Variants in CT47B1 observed in about 807,000 individuals in gnomAD.
The protein encoded by CT47B1 is cancer/testis CT47 family, member 13.
CT47B1 carries 24 observed loss-of-function variants against 12.8 expected under a neutral mutation model. That is an observed-to-expected ratio of 1.87 (90% CI 1.36 to 2.63). The LOEUF (loss-of-function observed/expected upper bound fraction) is 2.63. Ranked by LOEUF, CT47B1 falls within the 30% of genes most tolerant of loss-of-function variation. The pLI, the probability that CT47B1 is intolerant of heterozygous loss-of-function variation, is 0.00. For synonymous variants in CT47B1, 228 were observed against 133.3 expected, an observed-to-expected ratio of 1.71 and a Z score of -4.89; for missense variants, 523 against 271.3, an observed-to-expected ratio of 1.93 and a Z score of -6.52.
intron 1 of CT47B1, among the ~76,000 whole-genome samples, chrX:120,874,420 C>G (rs924351923): frequency 3.6e-5 from 4 of 111,188 alleles, no homozygotes; most frequent in African/African-American, 9.8e-5. Context: ...GTTCCTCACC[C>G]CCTGAATGTT....
rs184016403 is a variant in CT47B1 at position 120,875,368 on chromosome X, G to A, written c.303C>T (p.Asn101=). ...TEEEEEEEEG[N]EAANFDLAVA... is the part of the protein sequence containing the mutation. ...CCGCCAAGTCGAAGTTGGCCGCCTCGTTCCCCTCTTCCTCCTCCTCCTCTT... is the reference window on the plus strand; with the variant it reads ...CCGCCAAGTCGAAGTTGGCCGCCTCATTCCCCTCTTCCTCCTCCTCCTCTT... Residue 101 remains asparagine, a synonymous_variant, in exon 1 of 3, where the codon AAC becomes AAT. Transcript: ENST00000371311. 5.0e-4 allele frequency: 605 copies of A among 1,208,112 alleles called. 3 individuals are homozygous for A. In the African/African-American group the frequency reaches 8.9e-3, roughly 18 times the overall value.
At chrX:120,873,335 C>CAA (rs1923823509) in intron 2 of CT47B1, among the ~76,000 whole-genome samples, 1 of 99,000 alleles carries the variant, frequency 1.0e-5, no homozygotes, top group Admixed American at 1.1e-4. Context: ...CATAAAATAC[C>CAA]AAAATATATA....
Position 120,875,109 on chromosome X carries a change from C to T in CT47B1, c.562G>A (p.Gly188Ser), listed in dbSNP as rs752483454. The T allele has an allele frequency of 6.6e-6, 8 of 1,208,637 alleles. No individual in the cohort carries two copies. Among genetic ancestry groups the T allele is most frequent in the Non-Finnish European group, 8.9e-6 (8 of 894,460 alleles). The change falls in exon 1 of 3, where the codon GGC becomes AGC. Residue 188 changes from glycine (G) to serine (S), a missense_variant. Coordinates refer to ENST00000371311, the MANE Select transcript of CT47B1 (RefSeq NM_001145718.3). ...ACCGACGCAGCCTCCTGGATCAGGC[C>T]GAGGCCCTCGCCTTCTGGGGCTGCA... is the stretch of plus-strand genomic sequence containing the variant. ...GAAAPEGEGL[G>S]LIQEAASVQE...
rs1328692141 is a variant in CT47B1, at chrX:120,875,546, C to T, written c.125G>A (p.Ser42Asn). The T allele has an allele frequency of 8.4e-7, 1 of 1,195,422 alleles. No individual in the cohort carries two copies. Among genetic ancestry groups the T allele is most frequent in the East Asian group, 3.0e-5 (1 of 33,603 alleles). ...CTCGGCCGCAGGCACCATGTCGCTG[C>T]TGTCGGGGCCGGAGTCGCCGCCCTC... Reference protein sequence around the residue: ...NQEGGDSGPDSSDMVPAAEVV... With the variant: ...NQEGGDSGPDNSDMVPAAEVV... The change falls in exon 1 of 3, where the codon AGC (serine) becomes AAC (asparagine). Residue 42 changes from serine to asparagine, a missense_variant. Coordinates refer to ENST00000371311, the MANE Select transcript of CT47B1 (RefSeq NM_001145718.3).
At chrX:120,874,672 G>A (rs1037683787) in intron 1 of CT47B1, among the ~76,000 whole-genome samples, 2 of 110,864 alleles carry the variant, frequency 1.8e-5, no homozygotes, top group African/African-American at 6.6e-5. Context: ...GTAGAGGGCG[G>A]CAAGTTTTCT....
Position 120,874,952 on chromosome X carries a change from GCCT to G in CT47B1, c.716_718del (p.Glu239del). The stretch of plus-strand genomic sequence containing the variant: ...TTCCTCTGCGGCCGGTTCCTCTGTG[GCCT>G]CCTCTGTGAGCTTCTCCTCTGCGGC... On this transcript the variant is annotated inframe_deletion, in exon 1 of 3. Coordinates refer to ENST00000371311, the MANE Select transcript of CT47B1 (RefSeq NM_001145718.3). The G allele has an allele frequency of 1.7e-6, 2 of 1,199,702 alleles. No individual in the cohort carries two copies. The highest frequency in any genetic ancestry group is 2.3e-6 in the Non-Finnish European group (2 of 886,199).
intron 1 of CT47B1, among the ~76,000 whole-genome samples, chrX:120,874,293 G>A (rs1207364206): frequency 1.8e-5 from 2 of 108,296 alleles, no homozygotes; most frequent in African/African-American, 6.7e-5. Flanking sequence ...CTAGTTCTTT[G>A]GAGAAGAAGA....
Position 120,875,436 on chromosome X carries a change from C to A in CT47B1, c.235G>T (p.Gly79Trp), listed in dbSNP as rs957383095. ...ATATCTGAGTCCTCCTCGGCGCTCC[C>A]GCCCTGGGGGACTGCGGCCAGGCCT... ...AAGLAAVPQG[G>W]SAEEDSDIGP... The change falls in exon 1 of 3, where the codon GGG (glycine) becomes TGG (tryptophan). Residue 79 changes from glycine (G) to tryptophan (W), a missense_variant. Coordinates refer to ENST00000371311, the MANE Select transcript of CT47B1 (RefSeq NM_001145718.3). The A allele has an allele frequency of 1.2e-5, 15 of 1,206,193 alleles. No homozygotes were observed. Among genetic ancestry groups the A allele is most frequent in the Non-Finnish European group, 1.5e-5 (13 of 894,054 alleles).
rs1923974824 is a variant in CT47B1, at chrX:120,875,575, G to T, written c.96C>A (p.Asn32Lys). Reference protein sequence around the residue: ...GAQAEAAGAGNQEGGDSGPDS... With the variant: ...GAQAEAAGAGKQEGGDSGPDS... ...CGGGGCCGGAGTCGCCGCCCTCCTG[G>T]TTACCAGCTCCGGCCGCCTCGGCCT... The change falls in exon 1 of 3, where the codon AAC (asparagine) becomes AAA (lysine). Residue 32 changes from asparagine (N) to lysine (K), a missense_variant. By Grantham distance (94) the Asn-to-Lys change is moderately conservative. Transcript: ENST00000371311. 8.4e-7 allele frequency: 1 copy of T among 1,191,138 alleles called. No individual in the cohort carries two copies. Among genetic ancestry groups the T allele is most frequent in the Admixed American group, 2.2e-5 (1 of 45,336 alleles).
chrX:120,875,068 C>T lies in CT47B1; in HGVS notation c.603G>A (p.Ser201=), dbSNP rs1240103829. 1.9e-5 allele frequency: 23 copies of T among 1,207,927 alleles called. No individual in the cohort carries two copies. In the African/African-American group the frequency reaches 2.6e-4, roughly 14 times the overall value. Residue 201 remains serine, a synonymous_variant, in exon 1 of 3, where the codon TCG becomes TCA. Coordinates refer to ENST00000371311, the MANE Select transcript of CT47B1 (RefSeq NM_001145718.3). ...CAGCTGGCACTGCAGGCTCTGGGAC[C>T]GACGCGGCCTCCTGGACCGACGCAG... ...QEAASVQEAA[S]VPEPAVPADL...
rs756697039 is a variant in CT47B1 at position 120,875,579 on chromosome X, C to T, written c.92G>A (p.Gly31Asp). Residue 31 changes from glycine to aspartate, a missense_variant, in exon 1 of 3, where the codon GGT becomes GAT. Transcript: ENST00000371311. ...EGAQAEAAGA[G>D]NQEGGDSGPD... ...GCCGGAGTCGCCGCCCTCCTGGTTA[C>T]CAGCTCCGGCCGCCTCGGCCTGTGC... 1.8e-5 allele frequency: 21 copies of T among 1,183,402 alleles called. No individual in the cohort carries two copies. The African/African-American group carries it at 2.7e-4, about 15-fold the overall frequency.
rs767584700 is a variant in CT47B1, at chrX:120,875,331, G to T, written c.340C>A (p.Arg114=). 1 of 1,210,821 alleles carries T rather than the reference G, an allele frequency of 8.3e-7. No homozygotes were observed. The highest frequency in any genetic ancestry group is 1.1e-6 in the Non-Finnish European group (1 of 894,724). The change falls in exon 1 of 3, where the codon CGG becomes AGG. Residue 114 remains arginine, a synonymous_variant. Coordinates refer to ENST00000371311, the MANE Select transcript of CT47B1 (RefSeq NM_001145718.3). ...AAGCCAATGCCCGCCGCCGGGTACCGACGGGTGGCCACCGCCAAGTCGAAG... is the reference window on the plus strand; with the variant it reads ...AAGCCAATGCCCGCCGCCGGGTACCTACGGGTGGCCACCGCCAAGTCGAAG... ...ANFDLAVATR[R]YPAAGIGFVF... is the part of the protein sequence containing the mutation.
intron 1 of CT47B1, 38 bp from the exon 2 acceptor site, chrX:120,874,058 T>C (rs772941256): frequency 2.0e-5 from 19 of 940,338 alleles, no homozygotes; most frequent in Non-Finnish European, 2.6e-5. Context: ...GGACCAGACA[T>C]TCACAGAAAA....
chrX:120,875,009 T>G lies in CT47B1; in HGVS notation c.662A>C (p.Glu221Ala). The G allele has an allele frequency of 1.7e-6, 2 of 1,210,001 alleles. No homozygotes were observed. Among genetic ancestry groups the G allele is most frequent in the Non-Finnish European group, 2.2e-6 (2 of 894,818 alleles). The change falls in exon 1 of 3, where the codon GAG becomes GCG. Residue 221 changes from glutamate (E) to alanine (A), a missense_variant. Physicochemically the swap from Glu to Ala is moderately radical, Grantham distance 107 (BLOSUM62 -1). Coordinates refer to ENST00000371311, the MANE Select transcript of CT47B1 (RefSeq NM_001145718.3). Reference sequence around the variant, plus strand: ...CTCTGGGGGTTTCTCATCTGCGGCCTCCTCCGCGGGCTCCCTGGCCATCTC... The same window carrying G: ...CTCTGGGGGTTTCTCATCTGCGGCCGCCTCCGCGGGCTCCCTGGCCATCTC... ...LAEMAREPAE[E>A]AADEKPPEEA...
rs766362766 is a variant in CT47B1, at chrX:120,875,103, T to G, written c.568A>C (p.Ile190Leu). The change falls in exon 1 of 3, where the codon ATC (isoleucine) becomes CTC (leucine). Residue 190 changes from isoleucine to leucine, a missense_variant. By Grantham distance (5) the Ile-to-Leu change is conservative. Transcript: ENST00000371311. ...TCCTGGACCGACGCAGCCTCCTGGATCAGGCCGAGGCCCTCGCCTTCTGGG... is the reference window on the plus strand; with the variant it reads ...TCCTGGACCGACGCAGCCTCCTGGAGCAGGCCGAGGCCCTCGCCTTCTGGG... ...AAPEGEGLGL[I>L]QEAASVQEAA... is the part of the protein sequence containing the mutation. 13 of 1,208,130 alleles carry G rather than the reference T, an allele frequency of 1.1e-5. No homozygotes were observed. Among genetic ancestry groups the G allele is most frequent in the Non-Finnish European group, 1.5e-5 (13 of 894,308 alleles).
rs748670528 is a variant in CT47B1, at chrX:120,875,402, G to A, written c.269C>T (p.Ala90Val). 3 of 1,208,128 alleles carry A rather than the reference G, an allele frequency of 2.5e-6. No individual in the cohort carries two copies. The highest frequency in any genetic ancestry group is 3.5e-5 in the African/African-American group (2 of 57,822). ...SAEEDSDIGP[A>V]TEEEEEEEEG... ...TTCCTCCTCCTCCTCTTCCTCCGTC[G>A]CGGGCCCGATATCTGAGTCCTCCTC... The change falls in exon 1 of 3, where the codon GCG (alanine) becomes GTG (valine). Residue 90 changes from alanine (A) to valine (V), a missense_variant. Coordinates refer to ENST00000371311, the MANE Select transcript of CT47B1 (RefSeq NM_001145718.3).
chrX:120,875,266 G>A lies in CT47B1; in HGVS notation c.405C>T (p.Leu135=), dbSNP rs372046159. The A allele has an allele frequency of 1.7e-6, 2 of 1,211,389 alleles. No individual in the cohort carries two copies. Among genetic ancestry groups the A allele is most frequent in the Admixed American group, 4.3e-5 (2 of 46,139 alleles). ...LYLVHSLLRR[L]YHNDHIQIAN... Reference sequence around the variant, plus strand: ...CTATCTGGATGTGGTCGTTGTGATAGAGGCGGCGGAGAAGGGAGTGGACCA... The same window carrying A: ...CTATCTGGATGTGGTCGTTGTGATAAAGGCGGCGGAGAAGGGAGTGGACCA... Residue 135 remains leucine, a synonymous_variant, in exon 1 of 3, where the codon CTC becomes CTT. Coordinates refer to ENST00000371311, the MANE Select transcript of CT47B1 (RefSeq NM_001145718.3).
In CT47B1 at chrX:120,874,910, G is replaced by A. The variant is rs542629895; in HGVS notation, c.761C>T (p.Ala254Val). Residue 254 changes from alanine to valine, a missense_variant, in exon 1 of 3, where the codon GCC becomes GTC. Physicochemically the swap from Ala to Val is moderately conservative, Grantham distance 64. Transcript: ENST00000371311. ...PAAEEPTSEE[A>V]VAPEEVTKSQ... ...AGCCCCCTTACCCTCGGGGGCCACG[G>A]CCTCCTCTGAGGTCGGTTCCTCTGC... is the stretch of plus-strand genomic sequence containing the variant. The A allele has an allele frequency of 1.7e-6, 2 of 1,209,622 alleles. No individual in the cohort carries two copies. The highest frequency in any genetic ancestry group is 1.1e-6 in the Non-Finnish European group (1 of 894,702).
Position 120,875,193 on chromosome X carries a change from G to A in CT47B1, c.478C>T (p.Pro160Ser), listed in dbSNP as rs1346970420. Residue 160 changes from proline to serine, a missense_variant, in exon 1 of 3, where the codon CCC (proline) becomes TCC (serine). Pro to Ser is a moderately conservative substitution (Grantham distance 74, BLOSUM62 -1). Coordinates refer to ENST00000371311, the MANE Select transcript of CT47B1 (RefSeq NM_001145718.3). ...AGGGGAGGGTTGTCCCAGAGGTTGG[G>A]CACAGCAGCGTGGGGCCCCACCATC... The part of the protein sequence containing the change: ...RLMVGPHAAV[P>S]NLWDNPPLLL... 1.7e-6 allele frequency: 2 copies of A among 1,211,239 alleles called. No individual in the cohort carries two copies. Among genetic ancestry groups the A allele is most frequent in the Admixed American group, 2.2e-5 (1 of 46,144 alleles).
Sources: allele counts gnomAD v4.1 joint callset (sites outside exome capture counted in the v4.1 genomes callset), GRCh38; gene constraint gnomAD v4.1.1; transcripts MANE v1.5; gene names NCBI Gene and HGNC (gene_info 2026-07-23, HGNC 2026-07-21).